CWC27: variants seen among roughly 807,000 people sequenced by gnomAD.
CWC27 encodes the protein spliceosome-associated protein CWC27 homolog.
A neutral mutation model predicts 63.6 loss-of-function variants in CWC27; 47 were observed. The ratio of observed to expected loss-of-function variants is 0.74; its 90% confidence interval spans 0.58 to 0.94. The LOEUF is 0.94. Ranked by LOEUF, CWC27 falls within the 40% of genes least tolerant of loss-of-function variation. CWC27 has a pLI of 0.00. For synonymous variants in CWC27, 175 were observed against 179.8 expected (o/e 0.97, Z 0.22); for missense variants, 495 against 554.3 (o/e 0.89, Z 1.07).
intron 11 of CWC27, among the ~76,000 whole-genome samples, chr5:64,944,783 T>G (rs1036192088): frequency 5.9e-5 from 9 of 152,200 alleles, no homozygotes; most frequent in African/African-American, 2.2e-4. Flanking sequence ...GATCTCTTTG[T>G]TTCTACAAGT....
intron 6 of CWC27, among the ~76,000 whole-genome samples, chr5:64,787,747 A>G (rs138905148): frequency 9.2e-5 from 14 of 152,208 alleles, no homozygotes; most frequent in Non-Finnish European, 7.4e-5. Context: ...ACTGAATCGT[A>G]GGATCCTTAT....
At chr5:64,795,021 C>T (rs556508213) in intron 7 of CWC27, among the ~76,000 whole-genome samples, 54 of 152,172 alleles carry the variant, frequency 3.5e-4, no homozygotes, top group Non-Finnish European at 6.2e-4. Context: ...AACATTTTTA[C>T]TTCAAATCCA....
In CWC27 at chr5:65,017,320, CA is replaced by C. The variant is rs531887152; in HGVS notation, c.1257-828del. Among the ~76,000 whole-genome samples the C allele has an allele frequency of 1.7e-3, 256 of 148,006 alleles. 1 individual carries two copies. The highest frequency in any genetic ancestry group is 2.5e-3 in the Non-Finnish European group (166 of 66,700). ...TGGGCAACAGAGTGAGACTCCATCTCAAAAAAAAAAATTGAACTTTTCTCTT... is the reference window on the plus strand; with the variant it reads ...TGGGCAACAGAGTGAGACTCCATCTCAAAAAAAAAATTGAACTTTTCTCTT... On this transcript the variant is annotated intron_variant, in intron 13 of 13. Transcript: ENST00000381070.
At chr5:64,956,372 A>G (rs1482065906) in intron 11 of CWC27, among the ~76,000 whole-genome samples, 2 of 151,986 alleles carry the variant, frequency 1.3e-5, no homozygotes, top group Non-Finnish European at 2.9e-5. Context: ...TCCCCATCTT[A>G]TTTATACATT....
At chr5:64,927,708 A>C (rs1175921227) in intron 11 of CWC27, among the ~76,000 whole-genome samples, 1 of 151,972 alleles carries the variant, frequency 6.6e-6, no homozygotes, top group Admixed American at 6.6e-5. Context: ...GAATTTTTTT[A>C]TCCTTGTGTC....
At chr5:64,974,541 C>T (rs1749190889) in intron 12 of CWC27, among the ~76,000 whole-genome samples, 1 of 152,176 alleles carries the variant, frequency 6.6e-6, no homozygotes. Flanking sequence ...GATTCAATTA[C>T]CTCCCACTGG....
At chr5:64,990,565 G>GCCCAGCTA (rs1749521363) in intron 13 of CWC27, among the ~76,000 whole-genome samples, 1 of 151,632 alleles carries the variant, frequency 6.6e-6, no homozygotes, top group Non-Finnish European at 1.5e-5. Context: ...GCGCCCGGCC[G>GCCCAGCTA]AGTTTTTATT....
At chr5:64,931,133 T>C (rs1748229249) in intron 11 of CWC27, among the ~76,000 whole-genome samples, 1 of 152,108 alleles carries the variant, frequency 6.6e-6, no homozygotes. Flanking sequence ...TGCATCACTA[T>C]GAAATTTTCT....
At chr5:64,902,876 G>T (rs1237856453) in intron 11 of CWC27, among the ~76,000 whole-genome samples, 1 of 152,132 alleles carries the variant, frequency 6.6e-6, no homozygotes, top group Non-Finnish European at 1.5e-5. Context: ...ATTTATTAAG[G>T]TCATCTTTAA....
At chr5:64,999,233 C>T (rs1749689538) in intron 13 of CWC27, among the ~76,000 whole-genome samples, 1 of 151,990 alleles carries the variant, frequency 6.6e-6, no homozygotes, top group Admixed American at 6.6e-5. Context: ...TATTTCTCCC[C>T]CTCCCTTTTT....
At chr5:64,884,137 G>C (rs1261630133) in intron 10 of CWC27, 2 of 152,154 alleles carry the variant, frequency 1.3e-5, no homozygotes, top group Non-Finnish European at 2.9e-5. Context: ...TCAGTGAAAT[G>C]ACTGGTCATA....
chr5:64,913,679 G>A (rs1747835753), intron 11 of CWC27, among the ~76,000 whole-genome samples: 1 of 152,010 alleles, frequency 6.6e-6, no homozygotes, highest in Admixed American at 6.5e-5. Context: ...ACACTTTTAA[G>A]CCTTATTGAA....
chr5:64,818,441 T>C (rs1280461708), intron 10 of CWC27, among the ~76,000 whole-genome samples: 1 of 152,172 alleles, frequency 6.6e-6, no homozygotes, highest in African/African-American at 2.4e-5. Context: ...AATTTCCGGA[T>C]ATGCTTTTTT....
rs114121884 is a variant in CWC27 at position 64,879,356 on chromosome 5, A to G, written c.939-6087A>G. On this transcript the variant is annotated intron_variant, in intron 10 of 13. Transcript: ENST00000381070. ...AGTGGAAATAGGTAAAAGATAGGCT[A>G]ATAATCTTGATTTTATATGTTGGGT... Among the ~76,000 whole-genome samples, 1,358 of 152,140 alleles carry G rather than the reference A, an allele frequency of 8.9e-3. 19 individuals carry two copies. The highest frequency in any genetic ancestry group is 0.031 in the Middle Eastern group (9 of 294).
intron 3 of CWC27, 41 bp from the exon 4 acceptor site, chr5:64,783,795 C>A: frequency 6.6e-7 from 1 of 1,508,812 alleles, no homozygotes; most frequent in South Asian, 1.4e-5. Context: ...TATGAAGGGT[C>A]TTATAACTGA....
At chr5:64,833,022 C>T (rs997981334) in intron 10 of CWC27, among the ~76,000 whole-genome samples, 3 of 151,732 alleles carry the variant, frequency 2.0e-5, no homozygotes, top group African/African-American at 7.3e-5. Context: ...CCTGAGTTTT[C>T]TCGTTTGTAA....
chr5:64,860,049 C>T (rs1441394566), intron 10 of CWC27, among the ~76,000 whole-genome samples: 1 of 152,124 alleles, frequency 6.6e-6, no homozygotes, highest in Admixed American at 6.5e-5. Context: ...TGGTTAGGCC[C>T]ATTTTTAAAT....
intron 12 of CWC27, among the ~76,000 whole-genome samples, chr5:64,975,264 C>G (rs1208215753): frequency 6.6e-6 from 1 of 152,184 alleles, no homozygotes; most frequent in African/African-American, 2.4e-5. Flanking sequence ...CCCAGACCTA[C>G]TTAACTTTTT....
At chr5:64,784,975 T>C (rs1299862205) in intron 4 of CWC27, among the ~76,000 whole-genome samples, 1 of 152,192 alleles carries the variant, frequency 6.6e-6, no homozygotes. Flanking sequence ...TCAGAGACAA[T>C]GTGTAGCATA....
Sources: allele counts gnomAD v4.1 joint callset (sites outside exome capture counted in the v4.1 genomes callset), GRCh38; gene constraint gnomAD v4.1.1; transcripts MANE v1.5; gene names NCBI Gene and HGNC (gene_info 2026-07-23, HGNC 2026-07-21).